HTT: variants seen among roughly 807,000 people sequenced by gnomAD.
HTT encodes the protein huntingtin.
HTT carries 104 observed loss-of-function variants against 362.3 expected under a neutral mutation model. The ratio of observed to expected loss-of-function variants is 0.29; its 90% CI spans 0.24 to 0.34. HTT has a LOEUF of 0.34. HTT is among the 10% of genes least tolerant of loss of function. The pLI, the probability that HTT is intolerant of heterozygous loss-of-function variation, is 1.00. For synonymous variants in HTT, 1,577 were observed against 1,548.7 expected (o/e 1.02, Z -0.43); for missense variants, 3,301 against 3,928.6 (o/e 0.84, Z 4.27).
rs201305332 is a variant in HTT, at chr4:3,206,627, C to T, written c.5850C>T (p.Ser1950=). 2.9e-5 allele frequency: 46 copies of T among 1,614,036 alleles called. No homozygotes were observed. Among genetic ancestry groups the T allele is most frequent in the Non-Finnish European group, 3.6e-5 (43 of 1,180,016 alleles). Residue 1950 remains serine (S), a synonymous_variant, in exon 43 of 67, where the codon AGC becomes AGT. Transcript: ENST00000355072. The surrounding 1 kb of genome is among the most constrained non-coding windows in gnomAD (Gnocchi z 4.6). ...CCGTTCATCGGAACTCTGCTGCCAG[C>T]GGCCTGTTCATCCAGGCAATTCAGT... ...ISAVHRNSAA[S]GLFIQAIQSR... is the part of the protein sequence containing the mutation.
In HTT at chr4:3,074,945, A is replaced by AACAGCCGCCACCGCCG; in HGVS notation, c.120_121insACAGCCGCCACCGCCG (p.Pro41ThrfsTer47). 8.3e-7 allele frequency: 1 copy of AACAGCCGCCACCGCCG among 1,209,100 alleles called. No homozygotes were observed. The highest frequency in any genetic ancestry group is 1.1e-6 in the Non-Finnish European group (1 of 898,614). 74.9% of individuals were successfully genotyped at this position (1,209,100 alleles called of 1,614,324 possible). ...AGCAGCAGCAGCAGCAACAGCCGCC[A>AACAGCCGCCACCGCCG]CCGCCGCCGCCGCCGCCGCCGCCTC... On this transcript the variant is annotated frameshift_variant, in exon 1 of 67. Transcript: ENST00000355072. LOFTEE classifies it high-confidence loss of function.
Position 3,148,129 on chromosome 4 carries a change from G to C in HTT, c.3420G>C (p.Gln1140His). The change falls in exon 26 of 67, where the codon CAG becomes CAC. Residue 1140 changes from glutamine (Q) to histidine (H), a missense_variant. Gln to His is a conservative substitution (Grantham distance 24, BLOSUM62 0). Coordinates refer to ENST00000355072, the MANE Select transcript of HTT (RefSeq NM_001388492.1). ...GDRALVPMVE[Q>H]LFSHLLKVIN... ...GGGCCCTGGTGCCCATGGTGGAGCA[G>C]CTCTTCTCTCACCTGCTGAAGGTGA... 1.2e-6 allele frequency: 2 copies of C among 1,613,954 alleles called. No homozygotes were observed. The highest frequency in any genetic ancestry group is 1.7e-6 in the Non-Finnish European group (2 of 1,179,932).
chr4:3,158,329 G>T (rs1410476811), intron 28 of HTT, among the ~76,000 whole-genome samples: 1 of 152,192 alleles, frequency 6.6e-6, no homozygotes, highest in African/African-American at 2.4e-5. Context: ...TTTATGAGGG[G>T]ATCAGTTCCC....
chr4:3,232,446 G>A (rs1298880578), intron 60 of HTT, among the ~76,000 whole-genome samples: 1 of 152,188 alleles, frequency 6.6e-6, no homozygotes, highest in Non-Finnish European at 1.5e-5. Flanking sequence ...CTGTTAAAGA[G>A]CAGATTGAAA....
At chr4:3,186,838 CTTTTTTTT>C in intron 38 of HTT, 119 bp downstream of exon 38, 112 of 250,308 alleles carry the variant, frequency 4.5e-4, no homozygotes, top group East Asian at 3.7e-3. Context: ...TGAGAGTTTG[CTTTTTTTT>C]TTTTTTTTTT....
intron 10 of HTT, among the ~76,000 whole-genome samples, chr4:3,124,601 G>A (rs1715438137): frequency 6.6e-6 from 1 of 152,160 alleles, no homozygotes; most frequent in Non-Finnish European, 1.5e-5. Flanking sequence ...GCAAACCACT[G>A]ATTTGGAAGA....
Position 3,235,670 on chromosome 4 carries a change from C to T in HTT, c.8677C>T (p.Arg2893Cys), listed in dbSNP as rs1295208182. The T allele has an allele frequency of 3.1e-6, 5 of 1,613,712 alleles. No homozygotes were observed. Among genetic ancestry groups the T allele is most frequent in the East Asian group, 2.2e-5 (1 of 44,890 alleles). Residue 2893 changes from arginine (R) to cysteine (C), a missense_variant, in exon 63 of 67, where the codon CGC (arginine) becomes TGC (cysteine). Around this residue, in one of 4 missense-constraint regions of HTT, gnomAD observed 753 missense variants for 1,021.3 expected, o/e 0.74. Coordinates refer to ENST00000355072, the MANE Select transcript of HTT (RefSeq NM_001388492.1). ...CCTCCTGCTCTCTGAGCAGCTCTCC[C>T]GCCTGGATGCAGAATCGCTGGTCAA... Reference protein sequence around the residue: ...ERLLLSEQLSRLDAESLVKLS... With the variant: ...ERLLLSEQLSCLDAESLVKLS...
chr4:3,143,391 C>A (rs1232723541), intron 23 of HTT, among the ~76,000 whole-genome samples: 2 of 127,080 alleles, frequency 1.6e-5, no homozygotes, highest in Non-Finnish European at 3.2e-5. Flanking sequence ...GAGCTGAGGT[C>A]AAGCCACTGC....
intron 6 of HTT, among the ~76,000 whole-genome samples, chr4:3,111,496 A>G (rs1714748358): frequency 1.3e-5 from 2 of 152,060 alleles, no homozygotes; most frequent in South Asian, 4.1e-4. Context: ...TTAGATCTTT[A>G]AATACCAGTA....
chr4:3,123,675 A>G (rs923862867), intron 10 of HTT, among the ~76,000 whole-genome samples: 3 of 152,060 alleles, frequency 2.0e-5, no homozygotes, highest in Non-Finnish European at 2.9e-5. Flanking sequence ...AGGCAACAGA[A>G]TGAGACCTTG....
At chr4:3,148,380 A>C (rs1716712057) in intron 26 of HTT, among the ~76,000 whole-genome samples, 173 bp downstream of exon 26, 2 of 152,172 alleles carry the variant, frequency 1.3e-5, no homozygotes, top group African/African-American at 4.8e-5. Context: ...GGATGGGTGC[A>C]GTGGCTCGTG....
At chr4:3,093,135 G>A (rs534895155) in intron 2 of HTT, among the ~76,000 whole-genome samples, 9 of 152,286 alleles carry the variant, frequency 5.9e-5, no homozygotes, top group African/African-American at 2.2e-4. Flanking sequence ...GTGTAGCTGA[G>A]TACTGACGAG....
At chr4:3,076,474 A>G (rs766040618) in intron 1 of HTT, among the ~76,000 whole-genome samples, 7 of 152,200 alleles carry the variant, frequency 4.6e-5, no homozygotes, top group Non-Finnish European at 1.0e-4. Flanking sequence ...GTGTTAGCTT[A>G]TTTGTTGGAA....
chr4:3,115,519 G>T, intron 7 of HTT, 74 bp downstream of exon 7: 2 of 1,231,652 alleles, frequency 1.6e-6, no homozygotes, highest in Non-Finnish European at 2.3e-6. Flanking sequence ...AATAAAACCA[G>T]ATGATCCCTC....
chr4:3,174,952 A>C lies in HTT; in HGVS notation c.4252A>C (p.Ile1418Leu). Reference sequence around the variant, plus strand: ...CTTTTTTTCTTTTTTATAGAATGCTATTCATAATCACATTCGTTTGTTTGA... The same window carrying C: ...CTTTTTTTCTTTTTTATAGAATGCTCTTCATAATCACATTCGTTTGTTTGA... ...VTKNRADKNA[I>L]HNHIRLFEPL... Residue 1418 changes from isoleucine to leucine, a missense_variant, in exon 33 of 67, where the codon ATT (isoleucine) becomes CTT (leucine). Around this residue, in one of 4 missense-constraint regions of HTT, gnomAD observed 2,316 missense variants for 2,658.5 expected, o/e 0.87. Coordinates refer to ENST00000355072, the MANE Select transcript of HTT (RefSeq NM_001388492.1). 6.3e-7 allele frequency: 1 copy of C among 1,594,988 alleles called. No individual in the cohort carries two copies.
chr4:3,107,484 G>T, intron 6 of HTT, 61 bp downstream of exon 6: 3 of 1,574,104 alleles, frequency 1.9e-6, no homozygotes, highest in Non-Finnish European at 2.6e-6. Flanking sequence ...TCTGTGGAGG[G>T]TGAGGGCTTC....
chr4:3,078,179 G>C (rs28377140), intron 1 of HTT, among the ~76,000 whole-genome samples: 15,879 of 152,168 alleles, frequency 0.1, 1,718 homozygotes, highest in African/African-American at 0.27. Flanking sequence ...GCTTCTGGCA[G>C]TTTCTTATTC....
At position 3,193,146 on chromosome 4, in the gene HTT, G is replaced by A. The variant is rs191649532; in HGVS notation, c.5368+4053G>A. 1.0e-3 allele frequency among the ~76,000 whole-genome samples: 153 copies of A among 152,352 alleles called. 1 individual carries two copies. Among genetic ancestry groups the A allele is most frequent in the African/African-American group, 3.5e-3 (147 of 41,584 alleles). ...TGCCGGTAGGGCCCGGCCGCACGGC[G>A]CCACAGAATCCTGGAGAAAGGGGCC... On this transcript the variant is annotated intron_variant, in intron 40 of 66. Transcript: ENST00000355072.
intron 45 of HTT, 102 bp downstream of exon 45, chr4:3,207,459 C>T (rs770057807): frequency 9.3e-6 from 9 of 970,662 alleles, no homozygotes; most frequent in Non-Finnish European, 1.4e-5. Flanking sequence ...AATCGATGTG[C>T]CTTATAGGTG....
Sources: gnomAD v4.1 joint callset for allele counts (sites outside exome capture counted in the v4.1 genomes callset) on GRCh38, gnomAD v4.1.1 for gene constraint, gnomAD v4.1.1 regional missense constraint, Gnocchi (gnomAD v3.1) non-coding constraint, MANE v1.5 for transcripts, NCBI Gene and HGNC (gene_info 2026-07-23, HGNC 2026-07-21) for gene names.